ERBB4: variants seen among roughly 807,000 people sequenced by gnomAD.
ERBB4 encodes the protein receptor tyrosine-protein kinase erbB-4.
In ERBB4, 42 loss-of-function variants were observed where a neutral mutation model predicts 158.0. The observed-to-expected ratio is 0.27, with a 90% CI of 0.21 to 0.34. The LOEUF (loss-of-function observed/expected upper bound fraction) is 0.34, where lower values mean the gene tolerates loss of function less well. ERBB4 is among the 10% of genes least tolerant of loss of function. The probability of loss-of-function intolerance (pLI) is 1.00; values close to 1 mark genes in which losing one functional copy is unlikely to be tolerated. For synonymous variants in ERBB4, 583 were observed against 558.7 expected (o/e 1.04, Z -0.61); for missense variants, 1,333 against 1,624.1 (o/e 0.82, Z 3.08).
At chr2:212,270,757 G>A (rs2085311152) in intron 1 of ERBB4, among the ~76,000 whole-genome samples, 1 of 151,694 alleles carries the variant, frequency 6.6e-6, no homozygotes, top group Non-Finnish European at 1.5e-5. Context: ...GGAAAGGTCT[G>A]TTCAGGGAGA....
chr2:212,392,593 A>T (rs1016521092), intron 1 of ERBB4, among the ~76,000 whole-genome samples: 4 of 152,072 alleles, frequency 2.6e-5, no homozygotes, highest in Admixed American at 1.3e-4. Flanking sequence ...AGAGATATTT[A>T]ATGCAAGCAA....
At chr2:212,258,851 T>C (rs1332821858) in intron 1 of ERBB4, among the ~76,000 whole-genome samples, 1 of 151,990 alleles carries the variant, frequency 6.6e-6, no homozygotes, top group African/African-American at 2.4e-5. Flanking sequence ...TTTTGTATCT[T>C]CCATTAAATT....
At chr2:212,437,742 A>G (rs1211258342) in intron 1 of ERBB4, among the ~76,000 whole-genome samples, 1 of 152,044 alleles carries the variant, frequency 6.6e-6, no homozygotes, top group Non-Finnish European at 1.5e-5. Context: ...CCTTAGAAAC[A>G]CTGTACTGTC....
chr2:212,151,654 C>A (rs1054431221), intron 1 of ERBB4, among the ~76,000 whole-genome samples: 9 of 151,704 alleles, frequency 5.9e-5, no homozygotes, highest in Admixed American at 5.9e-4. Flanking sequence ...TTTGGGAGGC[C>A]GAGGCAGGTT....
At chr2:212,190,808 C>A (rs1039441251) in intron 1 of ERBB4, among the ~76,000 whole-genome samples, 2 of 152,006 alleles carry the variant, frequency 1.3e-5, no homozygotes, top group East Asian at 3.9e-4. Flanking sequence ...ATATGATATG[C>A]CTATTTCAGA....
intron 2 of ERBB4, among the ~76,000 whole-genome samples, chr2:211,999,551 T>C (rs941283013): frequency 6.6e-6 from 1 of 151,820 alleles, no homozygotes; most frequent in South Asian, 2.1e-4. Flanking sequence ...TAACACATTA[T>C]TGAAAATTAA....
intron 25 of ERBB4, among the ~76,000 whole-genome samples, chr2:211,409,144 A>G (rs1215052367): frequency 2.0e-5 from 3 of 152,074 alleles, no homozygotes; most frequent in Non-Finnish European, 1.5e-5. Context: ...ATTGCTATTT[A>G]TTGAAGATTA....
At chr2:212,053,074 T>C (rs915697093) in intron 2 of ERBB4, among the ~76,000 whole-genome samples, 3 of 152,072 alleles carry the variant, frequency 2.0e-5, no homozygotes, top group Admixed American at 6.6e-5. Context: ...GCCCAGCACA[T>C]TGAGAGGCCA....
At chr2:212,071,637 G>A (rs562152950) in intron 2 of ERBB4, among the ~76,000 whole-genome samples, 30 of 152,054 alleles carry the variant, frequency 2.0e-4, no homozygotes, top group Middle Eastern at 3.4e-3. Flanking sequence ...ATTTATTCAC[G>A]AGAAAGAATA....
chr2:212,425,215 T>A (rs961329532), intron 1 of ERBB4, among the ~76,000 whole-genome samples: 2 of 150,672 alleles, frequency 1.3e-5, no homozygotes, highest in African/African-American at 4.9e-5. Flanking sequence ...AACTTTAGTC[T>A]GACAATATTT....
At chr2:211,524,733 G>C (rs2066296446) in intron 20 of ERBB4, among the ~76,000 whole-genome samples, 4 of 151,394 alleles carry the variant, frequency 2.6e-5, no homozygotes, top group Admixed American at 2.6e-4. Context: ...GCCAGGCGCA[G>C]CCCAGATTGC....
intron 19 of ERBB4, among the ~76,000 whole-genome samples, chr2:211,603,241 T>A (rs938007809): frequency 1.3e-5 from 2 of 151,522 alleles, no homozygotes; most frequent in African/African-American, 4.9e-5. Flanking sequence ...AATAAATAAA[T>A]AAATAAATAA....
At chr2:212,069,679 C>T (rs1047439136) in intron 2 of ERBB4, among the ~76,000 whole-genome samples, 6 of 151,872 alleles carry the variant, frequency 4.0e-5, no homozygotes, top group Admixed American at 3.9e-4. Flanking sequence ...TTACGAAATA[C>T]ACAAAAAAAC....
At chr2:212,080,090 G>T (rs1449782773) in intron 2 of ERBB4, among the ~76,000 whole-genome samples, 1 of 151,824 alleles carries the variant, frequency 6.6e-6, no homozygotes, top group African/African-American at 2.4e-5. Flanking sequence ...CACTTTGGTG[G>T]ATCACAAGGT....
intron 1 of ERBB4, among the ~76,000 whole-genome samples, chr2:212,243,742 A>G (rs2084203729): frequency 6.6e-6 from 1 of 152,188 alleles, no homozygotes; most frequent in Non-Finnish European, 1.5e-5. Context: ...GGCAAAAATT[A>G]CATAAGATAT....
chr2:211,863,595 A>G (rs2078125859), intron 3 of ERBB4, among the ~76,000 whole-genome samples: 1 of 152,156 alleles, frequency 6.6e-6, no homozygotes, highest in African/African-American at 2.4e-5. Flanking sequence ...TGTAACACTC[A>G]CTGTGAGGAT....
intron 20 of ERBB4, among the ~76,000 whole-genome samples, chr2:211,532,078 G>C (rs1201371146): frequency 2.0e-5 from 3 of 151,960 alleles, no homozygotes; most frequent in Admixed American, 6.6e-5. Context: ...ATTAGTGGGA[G>C]CTCAAAATTA....
chr2:212,273,550 T>A (rs527824898), intron 1 of ERBB4, among the ~76,000 whole-genome samples: 1 of 151,920 alleles, frequency 6.6e-6, no homozygotes, highest in African/African-American at 2.4e-5. Context: ...TACAATCACA[T>A]TAGCAGGCCA....
At position 211,705,882 on chromosome 2, in the gene ERBB4, A is replaced by G. The variant is rs573269637; in HGVS notation, c.1125-491T>C. ...TGACATCTTTTTTTTCTGTAGCTCT[A>G]CATTTATCTACTTGTGAATTTTCAT... On this transcript the variant is annotated intron_variant, in intron 9 of 27. Transcript: ENST00000342788. Among the ~76,000 whole-genome samples, 358 of 152,278 alleles carry G rather than the reference A, an allele frequency of 2.4e-3. 3 individuals carry two copies. The highest frequency in any genetic ancestry group is 8.3e-3 in the African/African-American group (347 of 41,568).
Sources: allele counts gnomAD v4.1 joint callset (sites outside exome capture counted in the v4.1 genomes callset), GRCh38; gene constraint gnomAD v4.1.1; transcripts MANE v1.5; gene names NCBI Gene and HGNC (gene_info 2026-07-23, HGNC 2026-07-21).